CRYBG3: variants seen among roughly 807,000 people sequenced by gnomAD.
CRYBG3 encodes the protein crystallin beta-gamma domain containing 3.
A neutral mutation model predicts 244.2 loss-of-function variants in CRYBG3; 127 were observed. That is an observed-to-expected ratio of 0.52 (90% CI 0.45 to 0.60). The LOEUF (loss-of-function observed/expected upper bound fraction) is 0.60, where lower values mean the gene tolerates loss of function less well. Among genes scored for constraint, CRYBG3 ranks in the 20% least tolerant of loss-of-function variants. The pLI is 0.00. For missense variants in CRYBG3, 3,325 were observed against 3,442.5 expected (o/e 0.97, Z 0.85); for synonymous variants, 1,132 against 1,195.8 (o/e 0.95, Z 1.10).
In CRYBG3 at chr3:97,850,035, A is replaced by G. The variant is rs73850196; in HGVS notation, c.216+6774A>G. Among the ~76,000 whole-genome samples, 699 of 152,158 alleles carry G rather than the reference A, an allele frequency of 4.6e-3. 3 individuals carry two copies. The highest frequency in any genetic ancestry group is 0.015 in the African/African-American group (629 of 41,504). ...GAGCTTCAGGGTGATAAAGCCTGCT[A>G]TTTCACGGACCTCTCCTCTCAGATG... On this transcript the variant is annotated intron_variant, in intron 2 of 21. Coordinates refer to ENST00000389622, the MANE Select transcript of CRYBG3 (RefSeq NM_153605.4).
intron 17 of CRYBG3, among the ~76,000 whole-genome samples, chr3:97,931,166 C>G (rs540873813): frequency 6.6e-6 from 1 of 152,210 alleles, no homozygotes; most frequent in South Asian, 2.1e-4. Context: ...TCACCACTTA[C>G]TCTTCAGCCC....
chr3:97,877,981 G>C lies in CRYBG3; in HGVS notation c.6787G>C (p.Val2263Leu), dbSNP rs935596696. Residue 2263 changes from valine (V) to leucine (L), a missense_variant, in exon 4 of 22, where the codon GTG becomes CTG. Around this residue, in one of 4 missense-constraint regions of CRYBG3, gnomAD observed 450 missense variants for 424.1 expected, o/e 1.06. Transcript: ENST00000389622. ...ATTTGGTGGAATTTTTCAGGAACCA[G>C]TGTCAAAATATTTCCGTGTTCAAGA... ...ARFGGIFQEPVSKYFRVQDSP... is the reference protein window; with the variant it reads ...ARFGGIFQEPLSKYFRVQDSP... 1.2e-6 allele frequency: 2 copies of C among 1,614,128 alleles called. No individual in the cohort carries two copies. The highest frequency in any genetic ancestry group is 2.7e-5 in the African/African-American group (2 of 75,052).
intron 2 of CRYBG3, among the ~76,000 whole-genome samples, chr3:97,851,131 C>CA (rs11393717): frequency 0.42 from 39,135 of 93,886 alleles, 7,927 homozygotes; most frequent in African/African-American, 0.65. Flanking sequence ...AGACTGTCTC[C>CA]AAAAAAAAAA....
In CRYBG3 at chr3:97,941,153, A is replaced by T; in HGVS notation, c.8511A>T (p.Ala2837=). 1 of 1,606,460 alleles carries T rather than the reference A, an allele frequency of 6.2e-7. No homozygotes were observed. The highest frequency in any genetic ancestry group is 8.5e-7 in the Non-Finnish European group (1 of 1,176,316). The change falls in exon 20 of 22, where the codon GCA becomes GCT. Residue 2837 remains alanine (A), a synonymous_variant. Transcript: ENST00000389622. Reference sequence around the variant, plus strand: ...GGCTGTTTCTCCTGTCATAGCCTGCAGTGTACATCAGAATAAAGAACCGTG... The same window carrying T: ...GGCTGTTTCTCCTGTCATAGCCTGCTGTGTACATCAGAATAAAGAACCGTG... ...IGSLRPMKQP[A]VYIRIKNRAQ... is the part of the protein sequence containing the mutation.
intron 2 of CRYBG3, 102 bp from the exon 3 acceptor site, chr3:97,864,115 A>G (rs1233588509): frequency 3.3e-6 from 3 of 921,366 alleles, no homozygotes; most frequent in African/African-American, 3.4e-5. Context: ...TTATTCACAA[A>G]TGTATCCCTG....
chr3:97,846,024 G>A (rs1240807786), intron 2 of CRYBG3, among the ~76,000 whole-genome samples: 1 of 152,166 alleles, frequency 6.6e-6, no homozygotes, highest in South Asian at 2.1e-4. Flanking sequence ...TGTGTCTGGC[G>A]CACGTGTCAT....
In CRYBG3 at chr3:97,899,007, T is replaced by C. The variant is rs554323677; in HGVS notation, c.7826T>C (p.Ile2609Thr). ...GGCTTTGGCAGTAAAACAAGATCCA[T>C]TCATGTTAAAAGTGGAGTGTAAGTT... ...EIGFGSKTRS[I>T]HVKSGVWVAY... Residue 2609 changes from isoleucine to threonine, a missense_variant, in exon 13 of 22, where the codon ATT becomes ACT. Ile to Thr is a moderately conservative substitution (Grantham distance 89). Around this residue, in one of 4 missense-constraint regions of CRYBG3, gnomAD observed 714 missense variants for 803.6 expected, o/e 0.89. Coordinates refer to ENST00000389622, the MANE Select transcript of CRYBG3 (RefSeq NM_153605.4). 5.7e-5 allele frequency: 92 copies of C among 1,611,922 alleles called. 1 individual carries two copies. The highest frequency in any genetic ancestry group is 7.5e-5 in the Non-Finnish European group (89 of 1,179,354).
At chr3:97,883,982 A>G (rs867794480) in intron 7 of CRYBG3, among the ~76,000 whole-genome samples, 2 of 152,172 alleles carry the variant, frequency 1.3e-5, no homozygotes, top group African/African-American at 4.8e-5. Flanking sequence ...TGATGTCTTC[A>G]CTTTAGAGTA....
At chr3:97,828,910 C>T (rs1407279404) in intron 1 of CRYBG3, among the ~76,000 whole-genome samples, 1 of 151,432 alleles carries the variant, frequency 6.6e-6, no homozygotes, top group East Asian at 1.9e-4. Flanking sequence ...TAGTATGCCC[C>T]ATTTGTATAT....
intron 2 of CRYBG3, among the ~76,000 whole-genome samples, chr3:97,856,354 G>T (rs190677010): frequency 1.6e-3 from 237 of 152,124 alleles, no homozygotes; most frequent in African/African-American, 5.6e-3. Context: ...TCTACAATTT[G>T]TGCAGTTAAT....
In CRYBG3 at chr3:97,899,266, G is replaced by A. The variant is rs1364523748; in HGVS notation, c.7971+3G>A. ...TGTCGATACGGCCAATCCAACTGGT[G>A]AGTGAAGTATGAACATAGCCAGTGC... On this transcript the variant is annotated splice_donor_region_variant and intron_variant, in intron 14 of 21. Coordinates refer to ENST00000389622, the MANE Select transcript of CRYBG3 (RefSeq NM_153605.4). 2 of 1,610,824 alleles carry A rather than the reference G, an allele frequency of 1.2e-6. No individual in the cohort carries two copies. Among genetic ancestry groups the A allele is most frequent in the East Asian group, 4.5e-5 (2 of 44,832 alleles).
chr3:97,875,752 T>G lies in CRYBG3; in HGVS notation c.4558T>G (p.Ser1520Ala). ...GHSKNTPLAM[S>A]DVGKVHKKDN... ...CAGTAAAAACACACCTCTTGCAATG[T>G]CAGATGTAGGGAAAGTACACAAGAA... Residue 1520 changes from serine to alanine, a missense_variant, in exon 4 of 22, where the codon TCA becomes GCA. Transcript: ENST00000389622. The G allele has an allele frequency of 8.1e-7, 1 of 1,232,066 alleles. No individual in the cohort carries two copies. The highest frequency in any genetic ancestry group is 1.0e-6 in the Non-Finnish European group (1 of 987,960). 76.3% of individuals were successfully genotyped at this position (1,232,066 alleles called of 1,614,324 possible). A position where few individuals can be genotyped will look rare whatever the true frequency, so the allele number is the denominator to read the frequency against.
Position 97,871,842 on chromosome 3 carries a change from A to C in CRYBG3, c.648A>C (p.Lys216Asn). 5.4e-6 allele frequency: 8 copies of C among 1,483,494 alleles called. No homozygotes were observed. The highest frequency in any genetic ancestry group is 7.1e-6 in the Non-Finnish European group (8 of 1,127,136). The allele number at this position is 1,483,494 out of a possible 1,614,324, so 91.9% of individuals were successfully genotyped here. A position where few individuals can be genotyped will look rare whatever the true frequency, so the allele number is the denominator to read the frequency against. ...ATACTCTCATGCTTTCTTTTTACAG[A>C]CAAATCGATGGTAAACCAGAGAAGC... ...DSDQETTNLL[K>N]QIDGKPEKPS... The change falls in exon 4 of 22, where the codon AAA becomes AAC. Residue 216 changes from lysine (K) to asparagine (N), a missense_variant and splice_region_variant. By Grantham distance (94) the Lys-to-Asn change is moderately conservative. Transcript: ENST00000389622.
intron 1 of CRYBG3, among the ~76,000 whole-genome samples, chr3:97,841,857 C>T (rs1020621090): frequency 1.3e-5 from 2 of 152,120 alleles, no homozygotes; most frequent in African/African-American, 4.8e-5. Flanking sequence ...GGAGGATTAC[C>T]TCTGTCCTTC....
chr3:97,828,248 A>G (rs1559710412), intron 1 of CRYBG3, among the ~76,000 whole-genome samples: 1 of 152,128 alleles, frequency 6.6e-6, no homozygotes, highest in East Asian at 1.9e-4. Context: ...ATTTGATATG[A>G]CCTATCAATA....
At position 97,864,233 on chromosome 3, in the gene CRYBG3, A is replaced by G; in HGVS notation, c.233A>G (p.Asp78Gly). Residue 78 changes from aspartate (D) to glycine (G), a missense_variant, in exon 3 of 22, where the codon GAC becomes GGC. This residue lies in a region of CRYBG3 where 1,526 missense variants were observed against 1,443.2 expected (regional missense o/e 1.06). Transcript: ENST00000389622. ...SEAVKIRQSE[D>G]KRNHAEKPVT... is the part of the protein sequence containing the mutation. The stretch of plus-strand genomic sequence containing the variant: ...TTTTCAAAGATTCGCCAAAGTGAGG[A>G]CAAAAGGAACCATGCTGAGAAGCCA... 6.7e-7 allele frequency: 1 copy of G among 1,497,422 alleles called. No individual in the cohort carries two copies. The highest frequency in any genetic ancestry group is 8.8e-7 in the Non-Finnish European group (1 of 1,133,202). 92.8% of individuals were successfully genotyped at this position (1,497,422 alleles called of 1,614,324 possible). A position where few individuals can be genotyped will look rare whatever the true frequency, so the allele number is the denominator to read the frequency against.
chr3:97,915,495 G>A lies in CRYBG3; in HGVS notation c.8115-115G>A. 2.9e-6 allele frequency: 3 copies of A among 1,026,496 alleles called. No individual in the cohort carries two copies. The South Asian group carries it at 6.6e-5, about 23-fold the overall frequency. The allele number at this position is 1,026,496 out of a possible 1,614,324, so 63.6% of individuals were successfully genotyped here. On this transcript the variant is annotated intron_variant, in intron 16 of 21. Coordinates refer to ENST00000389622, the MANE Select transcript of CRYBG3 (RefSeq NM_153605.4). ...TTGTTTTTTTAAAGCTGGTGTGGTGGTGCTCTGCACCACTTTCTATGCCCT... is the reference window on the plus strand; with the variant it reads ...TTGTTTTTTTAAAGCTGGTGTGGTGATGCTCTGCACCACTTTCTATGCCCT...
intron 2 of CRYBG3, among the ~76,000 whole-genome samples, chr3:97,850,975 T>TA (rs1373309706): frequency 3.3e-5 from 5 of 151,882 alleles, no homozygotes; most frequent in Non-Finnish European, 5.9e-5. Flanking sequence ...CTATTAAAAA[T>TA]AAAAAAATTA....
intron 17 of CRYBG3, among the ~76,000 whole-genome samples, chr3:97,921,229 C>G (rs936749462): frequency 7.2e-5 from 11 of 152,008 alleles, no homozygotes; most frequent in African/African-American, 1.2e-4. Flanking sequence ...TTCAGTGATC[C>G]TCATTTCTTA....
Sources: gnomAD v4.1 joint callset for allele counts (sites outside exome capture counted in the v4.1 genomes callset) on GRCh38, gnomAD v4.1.1 for gene constraint, gnomAD v4.1.1 regional missense constraint, MANE v1.5 for transcripts, NCBI Gene and HGNC (gene_info 2026-07-23, HGNC 2026-07-21) for gene names.